JARID2: variants seen among roughly 807,000 people sequenced by gnomAD.
The protein encoded by JARID2 is protein Jumonji.
Under a neutral mutation model 125.6 loss-of-function variants are expected in JARID2, and 21 were observed. That is an observed-to-expected ratio of 0.17 (90% CI 0.12 to 0.24). JARID2 has a LOEUF of 0.24. Among genes scored for constraint, JARID2 ranks in the 10% least tolerant of loss-of-function variants. The pLI is 1.00. For synonymous variants in JARID2, 736 were observed against 661.6 expected (o/e 1.11, Z -1.73); for missense variants, 1,303 against 1,639.6 (o/e 0.79, Z 3.55).
At chr6:15,307,949 A>G (rs772736351) in intron 1 of JARID2, among the ~76,000 whole-genome samples, 12 of 152,206 alleles carry the variant, frequency 7.9e-5, no homozygotes, top group Non-Finnish European at 1.8e-4. Flanking sequence ...TCAGGTGTCA[A>G]CTAAAACAAG....
At chr6:15,449,867 A>AG (rs1186695986) in intron 3 of JARID2, among the ~76,000 whole-genome samples, 1 of 152,178 alleles carries the variant, frequency 6.6e-6, no homozygotes, top group Non-Finnish European at 1.5e-5. Flanking sequence ...GACACTGCTT[A>AG]GGACATACAA....
chr6:15,474,995 C>G (rs1347876111), intron 5 of JARID2, among the ~76,000 whole-genome samples: 1 of 152,194 alleles, frequency 6.6e-6, no homozygotes, highest in Non-Finnish European at 1.5e-5. Flanking sequence ...CAAGAATCCT[C>G]CAAGTGGTCA....
intron 1 of JARID2, among the ~76,000 whole-genome samples, chr6:15,349,687 G>A (rs1199907547): frequency 6.6e-6 from 1 of 152,098 alleles, no homozygotes; most frequent in Admixed American, 6.6e-5. Flanking sequence ...GAAACACCGA[G>A]CTTCCCAGTT....
intron 13 of JARID2, 101 bp downstream of exon 13, chr6:15,511,502 C>T: frequency 1.3e-6 from 1 of 781,090 alleles, no homozygotes; most frequent in Non-Finnish European, 2.2e-6. Context: ...AATGAGGACA[C>T]AGCAAAACAA....
rs1238929346 is a variant in JARID2, at chr6:15,521,028, T to C, written c.*777T>C. 1.8e-5 allele frequency: 3 copies of C among 162,618 alleles called. No individual in the cohort carries two copies. Among genetic ancestry groups the C allele is most frequent in the Admixed American group, 6.8e-5 (1 of 14,614 alleles). The allele number at this position is 162,618 out of a possible 1,614,324, so 10.1% of individuals were successfully genotyped here. ...CCATTCTGTTATTTTTTGGTGCTGTTGGCTACTTTATCAAAAAACCCTTCA... is the reference window on the plus strand; with the variant it reads ...CCATTCTGTTATTTTTTGGTGCTGTCGGCTACTTTATCAAAAAACCCTTCA... On this transcript the variant is annotated 3_prime_UTR_variant, in exon 18 of 18. Transcript: ENST00000341776.
chr6:15,320,852 C>CTCTGTGTGTGTGTGTGTGTGTG (rs541608020), intron 1 of JARID2, among the ~76,000 whole-genome samples: 1 of 145,314 alleles, frequency 6.9e-6, no homozygotes, highest in African/African-American at 2.5e-5. Context: ...CTCTCTCTCT[C>CTCTGTGTGTGTGTGTGTGTGTG]TGTGTGTGTG....
At chr6:15,336,206 C>T (rs997312188) in intron 1 of JARID2, among the ~76,000 whole-genome samples, 3 of 152,122 alleles carry the variant, frequency 2.0e-5, no homozygotes, top group African/African-American at 7.2e-5. Flanking sequence ...GCTGCCTTTT[C>T]CTGAAACTGA....
intron 3 of JARID2, among the ~76,000 whole-genome samples, chr6:15,441,753 G>T (rs1330002246): frequency 6.6e-6 from 1 of 152,018 alleles, no homozygotes; most frequent in Non-Finnish European, 1.5e-5. Flanking sequence ...TATCTTAGAA[G>T]CATTCCACTG....
At chr6:15,495,309 G>A (rs985858768) in intron 6 of JARID2, among the ~76,000 whole-genome samples, 9 of 152,172 alleles carry the variant, frequency 5.9e-5, no homozygotes, top group African/African-American at 2.2e-4. Flanking sequence ...AGGTCCCATA[G>A]AACCTGATGG....
At chr6:15,494,494 C>T (rs1770312211) in intron 6 of JARID2, among the ~76,000 whole-genome samples, 1 of 143,722 alleles carries the variant, frequency 7.0e-6, no homozygotes, top group Non-Finnish European at 1.5e-5. Context: ...CTGCAAACTC[C>T]ACCTCCTGGG....
At chr6:15,337,760 TGATAGG>T (rs1023640222) in intron 1 of JARID2, among the ~76,000 whole-genome samples, 6 of 152,104 alleles carry the variant, frequency 3.9e-5, no homozygotes, top group Non-Finnish European at 5.9e-5. Context: ...ACTCTGTTTC[TGATAGG>T]GAAGTTAACG....
chr6:15,492,612 G>T (rs1318447279), intron 6 of JARID2, among the ~76,000 whole-genome samples: 1 of 152,212 alleles, frequency 6.6e-6, no homozygotes, highest in Non-Finnish European at 1.5e-5. Flanking sequence ...CACAATGGTG[G>T]TGCTGGCTGG....
At chr6:15,325,499 C>T (rs1000562045) in intron 1 of JARID2, among the ~76,000 whole-genome samples, 4 of 152,158 alleles carry the variant, frequency 2.6e-5, no homozygotes, top group Admixed American at 2.6e-4. Flanking sequence ...GGTACTTTGA[C>T]CAGTCCATAC....
At chr6:15,248,761 G>T (rs1377898952) in intron 1 of JARID2, 7 of 215,730 alleles carry the variant, frequency 3.2e-5, no homozygotes, top group African/African-American at 1.6e-4. Context: ...ACAAAGGGAC[G>T]GGCTCGGGTG....
At position 15,497,129 on chromosome 6, in the gene JARID2, T is replaced by A. The variant is rs1403016206; in HGVS notation, c.1904T>A (p.Leu635His). 1.3e-6 allele frequency: 2 copies of A among 1,559,896 alleles called. No individual in the cohort carries two copies. Among genetic ancestry groups the A allele is most frequent in the Non-Finnish European group, 1.7e-6 (2 of 1,152,284 alleles). ...CGGCTGGCCTGCATCAAGAAGCACCTCAAATCTCAGGGCATCACCATGGAC... is the reference window on the plus strand; with the variant it reads ...CGGCTGGCCTGCATCAAGAAGCACCACAAATCTCAGGGCATCACCATGGAC... ...VQRLACIKKH[L>H]KSQGITMDEL... Residue 635 changes from leucine (L) to histidine (H), a missense_variant, in exon 7 of 18, where the codon CTC becomes CAC. This residue lies in a region of JARID2 where 64 missense variants were observed against 166.8 expected (regional missense o/e 0.38). Coordinates refer to ENST00000341776, the MANE Select transcript of JARID2 (RefSeq NM_004973.4).
chr6:15,463,101 A>C (rs948999083), intron 4 of JARID2, among the ~76,000 whole-genome samples: 1 of 152,132 alleles, frequency 6.6e-6, no homozygotes, highest in Non-Finnish European at 1.5e-5. Context: ...TTGCTAATGC[A>C]CTTGAATAAT....
intron 1 of JARID2, among the ~76,000 whole-genome samples, chr6:15,273,117 C>T (rs9383045): frequency 0.074 from 11,230 of 152,160 alleles, 487 homozygotes; most frequent in East Asian, 0.15. Context: ...TCATTTTTTA[C>T]GTGCTAAGTT....
intron 1 of JARID2, among the ~76,000 whole-genome samples, chr6:15,290,327 G>T (rs1761158717): frequency 2.0e-5 from 3 of 152,100 alleles, no homozygotes. Context: ...CCCATTTTTG[G>T]CTGTTATTGC....
intron 1 of JARID2, among the ~76,000 whole-genome samples, chr6:15,344,289 T>A (rs1366175050): frequency 1.3e-5 from 2 of 152,042 alleles, no homozygotes; most frequent in African/African-American, 4.8e-5. Flanking sequence ...TCTAACATTC[T>A]GTCATGTTCC....
Sources: gnomAD v4.1 joint callset for allele counts (sites outside exome capture counted in the v4.1 genomes callset) on GRCh38, gnomAD v4.1.1 for gene constraint, gnomAD v4.1.1 regional missense constraint, MANE v1.5 for transcripts, NCBI Gene and HGNC (gene_info 2026-07-23, HGNC 2026-07-21) for gene names.